KREMEN1: variants seen among roughly 807,000 people sequenced by gnomAD.
KREMEN1 encodes the protein kremen protein 1.
In KREMEN1, 30 loss-of-function variants were observed where a neutral mutation model predicts 46.5. That is an observed-to-expected ratio of 0.65 (90% CI 0.48 to 0.88). KREMEN1 has a LOEUF of 0.88. Ranked by LOEUF, KREMEN1 falls within the 40% of genes least tolerant of loss-of-function variation. The pLI, the probability that KREMEN1 is intolerant of heterozygous loss-of-function variation, is 0.00. For missense variants in KREMEN1, 533 were observed against 596.9 expected (o/e 0.89, Z 1.11); for synonymous variants, 214 against 230.6 (o/e 0.93, Z 0.65).
rs532418970 is a variant in KREMEN1 at position 29,167,345 on chromosome 22, C to T, written c.*239C>T. The T allele has an allele frequency of 1.5e-4, 78 of 532,456 alleles. 1 individual carries two copies. The highest frequency in any genetic ancestry group is 4.2e-4 in the South Asian group (18 of 42,404). The allele number at this position is 532,456 out of a possible 1,614,324, so 33.0% of individuals were successfully genotyped here. Reference sequence around the variant, plus strand: ...CCACACTCCAGCCTGAGCAGCAGAGCGGGACCTCGTCTCTAAGAATAGAAA... The same window carrying T: ...CCACACTCCAGCCTGAGCAGCAGAGTGGGACCTCGTCTCTAAGAATAGAAA... On this transcript the variant is annotated 3_prime_UTR_variant, in exon 10 of 10. Transcript: ENST00000327813.
intron 5 of KREMEN1, among the ~76,000 whole-genome samples, chr22:29,135,323 A>G (rs961032087): frequency 2.6e-5 from 4 of 152,190 alleles, no homozygotes; most frequent in Admixed American, 1.3e-4. Context: ...GGTGTTTGGT[A>G]TAGACTTTTC....
downstream of KREMEN1, among the ~76,000 whole-genome samples, chr22:29,149,021 C>G (rs1265462293): frequency 1.3e-5 from 2 of 152,258 alleles, no homozygotes; most frequent in Non-Finnish European, 2.9e-5. Flanking sequence ...GGCCCCACCC[C>G]AGACCTACCA....
intron 5 of KREMEN1, chr22:29,133,893 T>C (rs1451153199): frequency 6.6e-6 from 1 of 152,226 alleles, no homozygotes; most frequent in African/African-American, 2.4e-5. Flanking sequence ...TTCTCTTTGT[T>C]TCACTTTGTT....
chr22:29,149,073 G>C (rs572294504), downstream of KREMEN1, among the ~76,000 whole-genome samples: 62 of 152,048 alleles, frequency 4.1e-4, no homozygotes, highest in Middle Eastern at 0.01. Context: ...TGGAGTCCGT[G>C]CCCTTCACTT....
rs932718224 is a variant in KREMEN1 at position 29,145,989 on chromosome 22, C to T, written c.*3877C>T. 10 of 985,980 alleles carry T rather than the reference C, an allele frequency of 1.0e-5. No individual in the cohort carries two copies. The African/African-American group carries it at 1.6e-4, about 15-fold the overall frequency. The allele number at this position is 985,980 out of a possible 1,614,324, so 61.1% of individuals were successfully genotyped here. ...GCCCAGCCAGGCCATCACCCAGCCCCGATGCATCCTGGCACTGCACGCTTA... is the reference window on the plus strand; with the variant it reads ...GCCCAGCCAGGCCATCACCCAGCCCTGATGCATCCTGGCACTGCACGCTTA... On this transcript the variant is annotated 3_prime_UTR_variant, in exon 9 of 9. Transcript: ENST00000400335.
At chr22:29,079,363 T>C (rs1017379333) in intron 1 of KREMEN1, among the ~76,000 whole-genome samples, 33 of 152,222 alleles carry the variant, frequency 2.2e-4, no homozygotes, top group African/African-American at 1.9e-4. Context: ...GTTGCCTCTC[T>C]CCCTGCATTT....
At chr22:29,105,533 T>C (rs375067621) in intron 3 of KREMEN1, among the ~76,000 whole-genome samples, 61 of 147,436 alleles carry the variant, frequency 4.1e-4, no homozygotes, top group African/African-American at 1.5e-3. Flanking sequence ...TCCAAGCAAG[T>C]TGGTGTTGCT....
chr22:29,162,292 C>T (rs758608361), intron 9 of KREMEN1, among the ~76,000 whole-genome samples: 4 of 152,104 alleles, frequency 2.6e-5, no homozygotes, highest in Non-Finnish European at 5.9e-5. Context: ...AACATCCTTT[C>T]GTGATAAAAA....
At chr22:29,137,260 A>G (rs1396296993) in intron 5 of KREMEN1, 82 bp from the exon 6 acceptor site, 11 of 956,620 alleles carry the variant, frequency 1.1e-5, no homozygotes, top group Non-Finnish European at 1.6e-5. Context: ...GCTCGTTAGG[A>G]AGGCTTTAGT....
At position 29,144,930 on chromosome 22, in the gene KREMEN1, G is replaced by T. The variant is rs1042316017; in HGVS notation, c.*2818G>T. The T allele has an allele frequency of 5.5e-5, 54 of 985,372 alleles. No homozygotes were observed. The highest frequency in any genetic ancestry group is 5.7e-5 in the Non-Finnish European group (47 of 829,998). The allele number at this position is 985,372 out of a possible 1,614,324, so 61.0% of individuals were successfully genotyped here. A position where few individuals can be genotyped will look rare whatever the true frequency, so the allele number is the denominator to read the frequency against. ...GCCCCAGCGCTTCTCTTCCTGCCTC[G>T]CCCTGGCATGGCCCAGCGCCTCTAG... On this transcript the variant is annotated 3_prime_UTR_variant, in exon 9 of 9. Transcript: ENST00000400335.
At chr22:29,116,343 T>C (rs2038238965) in intron 3 of KREMEN1, among the ~76,000 whole-genome samples, 1 of 152,144 alleles carries the variant, frequency 6.6e-6, no homozygotes, top group Non-Finnish European at 1.5e-5. Context: ...TATGTGATAT[T>C]GTAGGAGGTA....
chr22:29,087,587 G>A (rs749042741), intron 1 of KREMEN1, among the ~76,000 whole-genome samples: 3 of 150,036 alleles, frequency 2.0e-5, no homozygotes, highest in Non-Finnish European at 3.0e-5. Context: ...TTTTTTTGAC[G>A]GAATTTTACT....
intron 5 of KREMEN1, among the ~76,000 whole-genome samples, chr22:29,133,116 C>T (rs989609063): frequency 2.0e-5 from 3 of 151,966 alleles, no homozygotes; most frequent in East Asian, 1.9e-4. Context: ...GGCGAGGTGG[C>T]GCATGCCTGT....
chr22:29,137,389 G>T lies in KREMEN1; in HGVS notation c.679G>T (p.Val227Phe), dbSNP rs766062755. The change falls in exon 6 of 9, where the codon GTC becomes TTC. Residue 227 changes from valine to phenylalanine, a missense_variant. Coordinates refer to ENST00000400335, the MANE Select transcript of KREMEN1 (RefSeq NM_001039570.3). ...GGNYSAMSSV[V>F]YSPDFPDTYA... ...GAACTACTCAGCCATGTCTTCTGTGGTCTATTCCCCTGACTTCCCCGACAC... is the reference window on the plus strand; with the variant it reads ...GAACTACTCAGCCATGTCTTCTGTGTTCTATTCCCCTGACTTCCCCGACAC... 3.2e-6 allele frequency: 5 copies of T among 1,550,084 alleles called. No individual in the cohort carries two copies. The highest frequency in any genetic ancestry group is 1.4e-5 in the African/African-American group (1 of 73,656).
intron 9 of KREMEN1, among the ~76,000 whole-genome samples, chr22:29,164,924 C>T (rs2039041021): frequency 6.6e-6 from 1 of 151,562 alleles, no homozygotes; most frequent in African/African-American, 2.4e-5. Flanking sequence ...CCTCTAATCC[C>T]AGCACTTTGG....
chr22:29,114,760 A>G (rs940730347), intron 3 of KREMEN1, among the ~76,000 whole-genome samples: 2 of 152,232 alleles, frequency 1.3e-5, no homozygotes, highest in African/African-American at 4.8e-5. Context: ...ATACTAGAAC[A>G]TAAAAAAGCA....
Position 29,125,391 on chromosome 22 carries a change from C to A in KREMEN1, c.606C>A (p.Gly202=). 1.9e-6 allele frequency: 3 copies of A among 1,614,146 alleles called. No individual in the cohort carries two copies. The highest frequency in any genetic ancestry group is 2.5e-6 in the Non-Finnish European group (3 of 1,180,010). Residue 202 remains glycine (G), a synonymous_variant, in exon 5 of 9, where the codon GGC becomes GGA. Coordinates refer to ENST00000400335, the MANE Select transcript of KREMEN1 (RefSeq NM_001039570.3). ...CFGDHTQPCG[G]DGRIILFDTL... ...GGGATCACACCCAACCCTGTGGTGG[C>A]GATGGCAGGATCATCCTCTTTGATA...
At position 29,144,724 on chromosome 22, in the gene KREMEN1, G is replaced by C; in HGVS notation, c.*2612G>C. On this transcript the variant is annotated 3_prime_UTR_variant, in exon 9 of 9. Transcript: ENST00000400335. ...CCAGGAAGAGTTCACCCGGCCAGGG[G>C]GCAGTTGTTCAGTTGCCTGGGGCTG... 1 of 985,538 alleles carries C rather than the reference G, an allele frequency of 1.0e-6. No individual in the cohort carries two copies. The highest frequency in any genetic ancestry group is 1.2e-6 in the Non-Finnish European group (1 of 829,994). 61.0% of individuals were successfully genotyped at this position (985,538 alleles called of 1,614,324 possible). A position where few individuals can be genotyped will look rare whatever the true frequency, so the allele number is the denominator to read the frequency against.
intron 5 of KREMEN1, among the ~76,000 whole-genome samples, chr22:29,126,890 C>A (rs2038453382): frequency 6.6e-6 from 1 of 152,134 alleles, no homozygotes; most frequent in Non-Finnish European, 1.5e-5. Flanking sequence ...TAGTTTGATA[C>A]CTTTGTTTTG....
Sources: allele counts gnomAD v4.1 joint callset (sites outside exome capture counted in the v4.1 genomes callset), GRCh38; gene constraint gnomAD v4.1.1; transcripts MANE v1.5; gene names NCBI Gene and HGNC (gene_info 2026-07-23, HGNC 2026-07-21).